TBC1D5: variants seen among roughly 807,000 people sequenced by gnomAD.
TBC1D5 encodes the protein TBC1 domain family, member 5.
TBC1D5 carries 75 observed loss-of-function variants against 100.3 expected under a neutral mutation model. The ratio of observed to expected loss-of-function variants is 0.75; its 90% CI spans 0.62 to 0.91. The LOEUF (loss-of-function observed/expected upper bound fraction) is 0.91. Ranked by LOEUF, TBC1D5 falls within the 40% of genes least tolerant of loss-of-function variation. The probability of loss-of-function intolerance (pLI) is 0.00; values close to 1 mark genes in which losing one functional copy is unlikely to be tolerated. For missense variants in TBC1D5, 910 were observed against 942.4 expected (o/e 0.97, Z 0.45); for synonymous variants, 323 against 325.6 (o/e 0.99, Z 0.09).
At chr3:17,692,433 A>G (rs919532707) in intron 1 of TBC1D5, among the ~76,000 whole-genome samples, 1 of 152,206 alleles carries the variant, frequency 6.6e-6, no homozygotes, top group Admixed American at 6.5e-5. Context: ...AGTTGAATAG[A>G]GAAAGAATTA....
At chr3:17,657,950 G>A (rs749353473) in intron 1 of TBC1D5, among the ~76,000 whole-genome samples, 2 of 152,166 alleles carry the variant, frequency 1.3e-5, no homozygotes, top group African/African-American at 2.4e-5. Context: ...ATCACGTATA[G>A]GATGGTGGTC....
At chr3:17,649,125 C>T (rs2065289752) in intron 1 of TBC1D5, among the ~76,000 whole-genome samples, 2 of 152,134 alleles carry the variant, frequency 1.3e-5, no homozygotes, top group African/African-American at 4.8e-5. Flanking sequence ...GGTACATATA[C>T]ACAATGGAAT....
In TBC1D5 at chr3:17,611,897, T is replaced by C. The variant is rs542641016; in HGVS notation, c.-36+11952A>G. 3.9e-5 allele frequency among the ~76,000 whole-genome samples: 6 copies of C among 152,020 alleles called. No homozygotes were observed. The South Asian group carries it at 1.2e-3, about 31-fold the overall frequency. On this transcript the variant is annotated intron_variant, in intron 2 of 21. Coordinates refer to ENST00000253692, the Ensembl canonical transcript of TBC1D5. ...CACTGATAGTTCTCACTAAACATTA[T>C]TCATCCACACTAACTTCAGGAACAA... is the stretch of plus-strand genomic sequence containing the variant.
chr3:17,439,463 C>A (rs1010612639), intron 3 of TBC1D5, among the ~76,000 whole-genome samples: 26 of 152,134 alleles, frequency 1.7e-4, no homozygotes, highest in African/African-American at 5.3e-4. Flanking sequence ...TCAAAAATAT[C>A]TTTAGTCTTA....
At chr3:17,374,652 A>G (rs1178783688) in exon 11 of TBC1D5, 4 of 1,611,030 alleles carry the variant, frequency 2.5e-6, no homozygotes, top group East Asian at 2.2e-5. Flanking sequence ...CCAGATACTC[A>G]GGGTTCAAGA....
intron 1 of TBC1D5, among the ~76,000 whole-genome samples, chr3:17,641,342 G>C (rs867188614): frequency 1.3e-5 from 2 of 152,024 alleles, no homozygotes; most frequent in South Asian, 4.1e-4. Flanking sequence ...TTCATGGAGG[G>C]AGTGTGCATA....
At chr3:17,258,639 T>G (rs779599832) in intron 15 of TBC1D5, 48 bp from the exon 16 acceptor site, 3 of 1,491,476 alleles carry the variant, frequency 2.0e-6, no homozygotes, top group Non-Finnish European at 2.8e-6. Context: ...ATTTAATCCA[T>G]TAACATATAA....
intron 13 of TBC1D5, among the ~76,000 whole-genome samples, chr3:17,352,390 T>C (rs1281954025): frequency 6.6e-6 from 1 of 152,016 alleles, no homozygotes; most frequent in Non-Finnish European, 1.5e-5. Flanking sequence ...AATCTCTAAG[T>C]GTTAAAATAA....
intron 4 of TBC1D5, among the ~76,000 whole-genome samples, chr3:17,418,463 A>G (rs1361586023): frequency 6.6e-6 from 1 of 152,018 alleles, no homozygotes; most frequent in Non-Finnish European, 1.5e-5. Flanking sequence ...CAAAAATTAG[A>G]TGAGCACAGT....
At chr3:17,297,066 T>TAAGC (rs1414101559) in intron 14 of TBC1D5, among the ~76,000 whole-genome samples, 2 of 152,220 alleles carry the variant, frequency 1.3e-5, no homozygotes, top group African/African-American at 2.4e-5. Context: ...AGGCAGTAAG[T>TAAGC]AAGCAAGTAT....
intron 3 of TBC1D5, among the ~76,000 whole-genome samples, chr3:17,434,989 T>G (rs752244902): frequency 2.6e-5 from 4 of 152,240 alleles, no homozygotes; most frequent in Non-Finnish European, 5.9e-5. Flanking sequence ...CCAGTCTGTT[T>G]GCATAGCAAG....
intron 18 of TBC1D5, among the ~76,000 whole-genome samples, chr3:17,190,206 T>C (rs1005416235): frequency 1.3e-5 from 2 of 152,170 alleles, no homozygotes; most frequent in Admixed American, 6.5e-5. Flanking sequence ...TTAGGCCTTG[T>C]GAGAAATACA....
At chr3:17,601,447 G>T (rs1347833395) in intron 2 of TBC1D5, among the ~76,000 whole-genome samples, 3 of 152,310 alleles carry the variant, frequency 2.0e-5, no homozygotes, top group African/African-American at 7.2e-5. Flanking sequence ...GGAGGCGGAG[G>T]TTGTGGTGAG....
At chr3:17,227,159 G>A (rs770997327) in intron 17 of TBC1D5, among the ~76,000 whole-genome samples, 1 of 152,264 alleles carries the variant, frequency 6.6e-6, no homozygotes, top group South Asian at 2.1e-4. Context: ...GTGCGCAAAA[G>A]GGGGAGTGTC....
At chr3:17,170,640 A>G (rs1267192422) in intron 19 of TBC1D5, among the ~76,000 whole-genome samples, 4 of 152,130 alleles carry the variant, frequency 2.6e-5, no homozygotes, top group Non-Finnish European at 5.9e-5. Context: ...AACGGCCTTT[A>G]GGTCACAGTC....
chr3:17,587,017 G>T (rs2096737237), intron 2 of TBC1D5, among the ~76,000 whole-genome samples: 3 of 151,876 alleles, frequency 2.0e-5, no homozygotes, highest in Non-Finnish European at 4.4e-5. Context: ...ATTGAAAATG[G>T]ATTCTAAAGC....
chr3:17,473,117 A>G (rs967259026), intron 3 of TBC1D5, among the ~76,000 whole-genome samples: 2 of 152,232 alleles, frequency 1.3e-5, no homozygotes, highest in Non-Finnish European at 2.9e-5. Flanking sequence ...TGAAGTGTAA[A>G]TATCTCGGTC....
chr3:17,221,537 C>T (rs1170304045), intron 17 of TBC1D5, among the ~76,000 whole-genome samples: 1 of 151,988 alleles, frequency 6.6e-6, no homozygotes, highest in Non-Finnish European at 1.5e-5. Flanking sequence ...AGAACGAACT[C>T]AAGAAGAAAG....
intron 1 of TBC1D5, among the ~76,000 whole-genome samples, chr3:17,691,960 G>A (rs1200584133): frequency 6.7e-6 from 1 of 149,148 alleles, no homozygotes; most frequent in African/African-American, 2.5e-5. Context: ...CAACAAAAGA[G>A]AGCCATCACA....
Sources: allele counts gnomAD v4.1 joint callset (sites outside exome capture counted in the v4.1 genomes callset), GRCh38; gene constraint gnomAD v4.1.1; transcripts MANE v1.5; gene names NCBI Gene and HGNC (gene_info 2026-07-23, HGNC 2026-07-21).